The following RIMS1 variants were observed in gnomAD, a reference collection of about 807,000 sequenced individuals.
The protein encoded by RIMS1 is regulating synaptic membrane exocytosis protein 1.
Under a neutral mutation model 214.1 loss-of-function variants are expected in RIMS1, and 83 were observed. The observed-to-expected ratio is 0.39, with a 90% confidence interval of 0.32 to 0.47. The LOEUF (loss-of-function observed/expected upper bound fraction) is 0.47. Ranked by LOEUF, RIMS1 falls within the 20% of genes least tolerant of loss-of-function variation. The pLI is 0.99. For synonymous variants in RIMS1, 793 were observed against 786.8 expected (o/e 1.01, Z -0.13); for missense variants, 2,050 against 2,161.8 (o/e 0.95, Z 1.03).
At chr6:71,887,231 TCCGTCCATTCACCACTCACTC>T (rs1477854635) in intron 1 of RIMS1, 44 bp downstream of exon 1, 2 of 1,572,326 alleles carry the variant, frequency 1.3e-6, no homozygotes, top group Admixed American at 3.7e-5. Flanking sequence ...CGTGCCTCCA[TCCGTCCATTCACCACTCACTC>T]CCCTAGTCCT....
At chr6:72,117,166 T>C (rs1360354961) in intron 4 of RIMS1, among the ~76,000 whole-genome samples, 1 of 151,908 alleles carries the variant, frequency 6.6e-6, no homozygotes, top group Non-Finnish European at 1.5e-5. Context: ...TCCCAGAAAT[T>C]TTAATTCAGT....
chr6:72,249,262 T>G (rs2071842315), intron 12 of RIMS1, among the ~76,000 whole-genome samples: 1 of 152,232 alleles, frequency 6.6e-6, no homozygotes, highest in South Asian at 2.1e-4. Context: ...TAAAGTGTCA[T>G]CACCACTGCC....
intron 2 of RIMS1, among the ~76,000 whole-genome samples, chr6:72,049,140 G>A (rs1044929651): frequency 6.6e-6 from 1 of 152,292 alleles, no homozygotes; most frequent in African/African-American, 2.4e-5. Context: ...AAGTTCAGGG[G>A]ATCCAGAATC....
intron 2 of RIMS1, among the ~76,000 whole-genome samples, chr6:72,096,734 G>C (rs2031860003): frequency 6.6e-6 from 1 of 152,170 alleles, no homozygotes; most frequent in South Asian, 2.1e-4. Context: ...CATACACATA[G>C]TTCAGTGCTA....
intron 26 of RIMS1, among the ~76,000 whole-genome samples, chr6:72,297,763 C>T (rs2094235848): frequency 6.6e-6 from 1 of 152,008 alleles, no homozygotes; most frequent in Non-Finnish European, 1.5e-5. Context: ...TTTAAGATAA[C>T]ACAGTTTAGC....
chr6:72,140,816 A>G (rs2041993296), intron 4 of RIMS1, among the ~76,000 whole-genome samples: 1 of 152,046 alleles, frequency 6.6e-6, no homozygotes. Flanking sequence ...TTTATATGAT[A>G]TATACTCAAA....
intron 2 of RIMS1, among the ~76,000 whole-genome samples, chr6:71,981,859 A>G (rs1452897070): frequency 6.6e-6 from 1 of 152,100 alleles, no homozygotes; most frequent in Non-Finnish European, 1.5e-5. Flanking sequence ...CTCTTGAAGA[A>G]AGAGACTGTA....
chr6:71,925,655 C>A (rs976603852), intron 1 of RIMS1, among the ~76,000 whole-genome samples: 2 of 152,096 alleles, frequency 1.3e-5, no homozygotes, highest in Non-Finnish European at 2.9e-5. Flanking sequence ...TGTCATAGAG[C>A]AGAATTTGTG....
chr6:72,337,134 T>C (rs2096868296), intron 29 of RIMS1, among the ~76,000 whole-genome samples: 1 of 151,836 alleles, frequency 6.6e-6, no homozygotes, highest in African/African-American at 2.4e-5. Flanking sequence ...TAAGAAAATG[T>C]CCCCAAGCCA....
intron 23 of RIMS1, among the ~76,000 whole-genome samples, chr6:72,275,530 A>G (rs917561017): frequency 6.6e-6 from 1 of 152,154 alleles, no homozygotes; most frequent in African/African-American, 2.4e-5. Flanking sequence ...GGAAAAGACT[A>G]CAAACTGATA....
At position 72,398,328 on chromosome 6, in the gene RIMS1, G is replaced by A. The variant is rs761213522; in HGVS notation, c.4698G>A (p.Lys1566=). 6.2e-7 allele frequency: 1 copy of A among 1,605,932 alleles called. No homozygotes were observed. Among genetic ancestry groups the A allele is most frequent in the East Asian group, 2.2e-5 (1 of 44,664 alleles). ...EVIRARSLTQ[K]PGSKSTPAPY... is the part of the protein sequence containing the mutation. Reference sequence around the variant, plus strand: ...TTAGAGCACGAAGCCTCACACAAAAGCCTGGTTCCAAATCTACACCTGGTA... The same window carrying A: ...TTAGAGCACGAAGCCTCACACAAAAACCTGGTTCCAAATCTACACCTGGTA... Residue 1566 remains lysine (K), a synonymous_variant, in exon 32 of 34, where the codon AAG becomes AAA. Coordinates refer to ENST00000521978, the MANE Select transcript of RIMS1 (RefSeq NM_014989.7).
intron 2 of RIMS1, among the ~76,000 whole-genome samples, chr6:72,052,440 C>T (rs1328480694): frequency 6.6e-6 from 1 of 152,178 alleles, no homozygotes; most frequent in African/African-American, 2.4e-5. Context: ...TTTACTTCCA[C>T]TTTTTTATCT....
chr6:72,332,558 A>G, intron 28 of RIMS1, among the ~76,000 whole-genome samples: 1 of 120,374 alleles, frequency 8.3e-6, no homozygotes, highest in Non-Finnish European at 1.7e-5. Context: ...GGGGGGAGGG[A>G]TAGCATTAGG....
intron 1 of RIMS1, among the ~76,000 whole-genome samples, chr6:71,904,676 G>C (rs371656576): frequency 6.6e-6 from 1 of 152,130 alleles, no homozygotes; most frequent in Non-Finnish European, 1.5e-5. Context: ...AAACATTAAA[G>C]GAATTCACAG....
At chr6:72,323,617 G>A (rs1593459316) in intron 28 of RIMS1, among the ~76,000 whole-genome samples, 1 of 151,778 alleles carries the variant, frequency 6.6e-6, no homozygotes, top group Non-Finnish European at 1.5e-5. Flanking sequence ...AATGTATATA[G>A]AGTCCCAGAA....
At chr6:72,187,571 G>A (rs12529687) in intron 6 of RIMS1, among the ~76,000 whole-genome samples, 27,254 of 144,110 alleles carry the variant, frequency 0.19, 2,996 homozygotes, top group Non-Finnish European at 0.25. Flanking sequence ...CTGCCTCCCT[G>A]CAACCTCTGC....
chr6:72,252,402 C>T (rs1234303012), intron 15 of RIMS1, among the ~76,000 whole-genome samples: 1 of 152,120 alleles, frequency 6.6e-6, no homozygotes, highest in Non-Finnish European at 1.5e-5. Context: ...TTCCACTCAG[C>T]CCTATTCTCT....
intron 4 of RIMS1, among the ~76,000 whole-genome samples, chr6:72,105,476 A>G (rs2034558276): frequency 6.6e-6 from 1 of 152,114 alleles, no homozygotes; most frequent in Non-Finnish European, 1.5e-5. Flanking sequence ...GCAGCCACTA[A>G]AATTAATTAT....
chr6:72,231,787 A>G (rs147970023), intron 6 of RIMS1, among the ~76,000 whole-genome samples: 74 of 151,786 alleles, frequency 4.9e-4, no homozygotes, highest in Middle Eastern at 3.4e-3. Flanking sequence ...TCCTTTGCCT[A>G]TAAGAACAGT....
Sources: allele counts gnomAD v4.1 joint callset (sites outside exome capture counted in the v4.1 genomes callset), GRCh38; gene constraint gnomAD v4.1.1; transcripts MANE v1.5; gene names NCBI Gene and HGNC (gene_info 2026-07-23, HGNC 2026-07-21).